The following SCHIP1 variants were observed in gnomAD, a reference collection of about 807,000 sequenced individuals.
The protein encoded by SCHIP1 is schwannomin interacting protein 1, also known as schwannomin-interacting protein 1.
A neutral mutation model predicts 29.7 loss-of-function variants in SCHIP1; 8 were observed. That is an observed-to-expected ratio of 0.27 (90% confidence interval 0.16 to 0.49). The LOEUF is 0.49. Among genes scored for constraint, SCHIP1 ranks in the 20% least tolerant of loss-of-function variants. SCHIP1 has a pLI of 0.99. For missense variants in SCHIP1, 193 were observed against 294.6 expected (o/e 0.66, Z 2.52); for synonymous variants, 76 against 94.9 (o/e 0.80, Z 1.16).
chr3:159,329,806 T>C, the SCHIP1 span, among the ~76,000 whole-genome samples: 1 of 152,048 alleles, frequency 6.6e-6, no homozygotes, highest in South Asian at 2.1e-4. Context: ...TGTTTCCCAA[T>C]TGAAAACTCT....
At chr3:159,588,880 T>A in the SCHIP1 span, among the ~76,000 whole-genome samples, 3 of 152,362 alleles carry the variant, frequency 2.0e-5, no homozygotes, top group African/African-American at 7.2e-5. Context: ...GTAGTAGAGT[T>A]TGAAGTCAGG....
chr3:159,678,119 C>T, the SCHIP1 span, among the ~76,000 whole-genome samples: 1 of 152,218 alleles, frequency 6.6e-6, no homozygotes, highest in Non-Finnish European at 1.5e-5. Flanking sequence ...TCTTATCTGT[C>T]TGTTGTGTTT....
chr3:159,468,773 A>ATT, the SCHIP1 span, among the ~76,000 whole-genome samples: 135 of 127,784 alleles, frequency 1.1e-3, no homozygotes, highest in South Asian at 0.022. Context: ...ATATATATAT[A>ATT]TATATTTTTT....
At chr3:159,776,875 G>A in the SCHIP1 span, among the ~76,000 whole-genome samples, 1 of 152,154 alleles carries the variant, frequency 6.6e-6, no homozygotes, top group Non-Finnish European at 1.5e-5. Context: ...CAGAGCAAGG[G>A]TGGTAAACGC....
the SCHIP1 span, chr3:159,401,407 T>TTAGA: frequency 2.1e-6 from 2 of 947,352 alleles, no homozygotes; most frequent in Non-Finnish European, 1.3e-6. Context: ...TTAAATAATT[T>TTAGA]TAGATAGTAA....
the SCHIP1 span, among the ~76,000 whole-genome samples, chr3:159,330,331 C>G: frequency 6.6e-6 from 1 of 152,030 alleles, no homozygotes; most frequent in African/African-American, 2.4e-5. Flanking sequence ...AATTATTTGT[C>G]ATGAGAAATG....
chr3:159,355,609 A>G, the SCHIP1 span, among the ~76,000 whole-genome samples: 1 of 152,136 alleles, frequency 6.6e-6, no homozygotes, highest in Non-Finnish European at 1.5e-5. Flanking sequence ...ATTCAAAATT[A>G]TATTCTATTT....
the SCHIP1 span, among the ~76,000 whole-genome samples, chr3:159,570,272 T>C: frequency 6.6e-6 from 1 of 152,202 alleles, no homozygotes; most frequent in Non-Finnish European, 1.5e-5. Flanking sequence ...TTTTTATGGT[T>C]TTAGGTCTAA....
the SCHIP1 span, among the ~76,000 whole-genome samples, chr3:159,417,870 G>C: frequency 1.3e-5 from 2 of 152,172 alleles, no homozygotes; most frequent in South Asian, 4.1e-4. Flanking sequence ...CAGCTCGCCT[G>C]CCAGGGTATA....
chr3:159,640,161 AAG>A, the SCHIP1 span, among the ~76,000 whole-genome samples: 1 of 152,174 alleles, frequency 6.6e-6, no homozygotes, highest in Non-Finnish European at 1.5e-5. Flanking sequence ...TTAGAGATTA[AAG>A]ATAAGATAGT....
chr3:159,662,423 A>G, the SCHIP1 span, among the ~76,000 whole-genome samples: 1 of 152,222 alleles, frequency 6.6e-6, no homozygotes. Context: ...TTCTAACAAC[A>G]TGGAGACAAT....
chr3:159,549,716 G>C, the SCHIP1 span, among the ~76,000 whole-genome samples: 3 of 152,236 alleles, frequency 2.0e-5, no homozygotes, highest in African/African-American at 7.2e-5. Flanking sequence ...TGTTATGGCA[G>C]CCTGAGAAGA....
chr3:159,523,124 A>T, the SCHIP1 span, among the ~76,000 whole-genome samples: 1 of 152,204 alleles, frequency 6.6e-6, no homozygotes, highest in Admixed American at 6.5e-5. Context: ...AGATATCATA[A>T]TATTTCATCC....
At chr3:159,550,344 T>C in the SCHIP1 span, among the ~76,000 whole-genome samples, 16 of 152,108 alleles carry the variant, frequency 1.1e-4, no homozygotes, top group Non-Finnish European at 2.1e-4. Context: ...ACTACGCTTA[T>C]AAAAATGCCT....
chr3:159,345,259 C>A, the SCHIP1 span, among the ~76,000 whole-genome samples: 1 of 150,628 alleles, frequency 6.6e-6, no homozygotes. Context: ...TGCTAAATCG[C>A]AGTGACATAA....
the SCHIP1 span, among the ~76,000 whole-genome samples, chr3:159,278,878 C>T: frequency 6.6e-6 from 1 of 152,154 alleles, no homozygotes; most frequent in Admixed American, 6.5e-5. Context: ...AGTGGGGTGA[C>T]CCTTCTTCAT....
the SCHIP1 span, among the ~76,000 whole-genome samples, chr3:159,471,223 T>C: frequency 3.3e-5 from 5 of 152,112 alleles, no homozygotes; most frequent in African/African-American, 4.8e-5. Context: ...TTTAAATGTA[T>C]TTCAAAGCAA....
At chr3:159,636,947 T>C in the SCHIP1 span, among the ~76,000 whole-genome samples, 171 of 152,360 alleles carry the variant, frequency 1.1e-3, no homozygotes, top group Admixed American at 8.8e-3. Context: ...TAGCTACTCA[T>C]GTTCTCAAAA....
chr3:159,389,722 G>T, the SCHIP1 span, among the ~76,000 whole-genome samples: 19 of 152,134 alleles, frequency 1.2e-4, no homozygotes, highest in South Asian at 1.9e-3. Context: ...TTGCCCAAGA[G>T]TTGGAAACAG....
Sources: allele counts gnomAD v4.1 joint callset (sites outside exome capture counted in the v4.1 genomes callset), GRCh38; gene constraint gnomAD v4.1.1; transcripts MANE v1.5; gene names NCBI Gene and HGNC (gene_info 2026-07-23, HGNC 2026-07-21).